PRDM16: variants seen among roughly 807,000 people sequenced by gnomAD.
The protein encoded by PRDM16 is PR/SET domain 16, also known as histone-lysine N-methyltransferase PRDM16.
A neutral mutation model predicts 110.6 loss-of-function variants in PRDM16; 23 were observed. The ratio of observed to expected loss-of-function variants is 0.21; its 90% confidence interval spans 0.15 to 0.29. The LOEUF (loss-of-function observed/expected upper bound fraction) is 0.29. Among genes scored for constraint, PRDM16 ranks in the 10% least tolerant of loss-of-function variants. PRDM16 has a pLI of 1.00. For missense variants in PRDM16, 1,615 were observed against 1,794.3 expected (o/e 0.90, Z 1.81); for synonymous variants, 799 against 781.8 (o/e 1.02, Z -0.37).
At chr1:3,192,286 G>T (rs1638331873) in intron 2 of PRDM16, among the ~76,000 whole-genome samples, 1 of 152,192 alleles carries the variant, frequency 6.6e-6, no homozygotes, top group Non-Finnish European at 1.5e-5. Context: ...CTGTCTTGGG[G>T]CATGCGGGTT....
Position 3,385,301 on chromosome 1 carries a change from A to G in PRDM16, c.573+15A>G. ...TCAGTGAGCAGGTAGGTCCGGGCTC[A>G]TAACAGGGGCTTCTGCCTCTTGGAA... On this transcript the variant is annotated intron_variant, in intron 4 of 16. Coordinates refer to ENST00000270722, the MANE Select transcript of PRDM16 (RefSeq NM_022114.4). 6.2e-7 allele frequency: 1 copy of G among 1,613,090 alleles called. No homozygotes were observed. Among genetic ancestry groups the G allele is most frequent in the Non-Finnish European group, 8.5e-7 (1 of 1,179,584 alleles).
In PRDM16 at chr1:3,411,869, CT is replaced by C; in HGVS notation, c.1673del (p.Leu558ArgfsTer34). The C allele has an allele frequency of 6.2e-7, 1 of 1,612,564 alleles. No individual in the cohort carries two copies. Among genetic ancestry groups the C allele is most frequent in the Non-Finnish European group, 8.5e-7 (1 of 1,179,160 alleles). On this transcript the variant is annotated frameshift_variant, in exon 9 of 17. Transcript: ENST00000270722. LOFTEE classifies it high-confidence loss of function. Reference protein sequence around the residue: ...PSPLGNPALPLVSAVSNSSQG... With the variant: ...PSPLGNPALPXVSAVSNSSQG... ...TCCCCTGGGGAACCCAGCCCTGCCC[CT>C]GGTCTCCGCCGTCAGCAACAGCAGC...
chr1:3,106,581 G>A (rs747878478), intron 1 of PRDM16, among the ~76,000 whole-genome samples: 1 of 152,320 alleles, frequency 6.6e-6, no homozygotes, highest in Admixed American at 6.5e-5. Context: ...GGGGCTTGGG[G>A]AGTTGTGGTG....
At chr1:3,260,520 G>C (rs537096857) in intron 3 of PRDM16, among the ~76,000 whole-genome samples, 9 of 151,864 alleles carry the variant, frequency 5.9e-5, no homozygotes, top group Non-Finnish European at 1.2e-4. Flanking sequence ...GGTGTGTAAA[G>C]CAAACTTAAA....
At chr1:3,380,256 C>G (rs1016938833) in intron 3 of PRDM16, among the ~76,000 whole-genome samples, 1 of 151,820 alleles carries the variant, frequency 6.6e-6, no homozygotes, top group African/African-American at 2.4e-5. Context: ...ACCTGGCCCC[C>G]CTCAGAGGTG....
At chr1:3,294,699 G>A (rs558786648) in intron 3 of PRDM16, among the ~76,000 whole-genome samples, 4 of 152,272 alleles carry the variant, frequency 2.6e-5, no homozygotes, top group East Asian at 1.9e-4. Context: ...GCTGCGTTTG[G>A]TTGAGCATTG....
chr1:3,146,927 T>C (rs1165645115), intron 1 of PRDM16, among the ~76,000 whole-genome samples: 7 of 85,850 alleles, frequency 8.2e-5, no homozygotes, highest in African/African-American at 1.9e-4. Context: ...GGGGTGTGTG[T>C]GCACGTGTGT....
At chr1:3,380,256 C>T (rs1016938833) in intron 3 of PRDM16, among the ~76,000 whole-genome samples, 1 of 151,820 alleles carries the variant, frequency 6.6e-6, no homozygotes, top group African/African-American at 2.4e-5. Context: ...ACCTGGCCCC[C>T]CTCAGAGGTG....
chr1:3,082,997 C>G (rs1289349047), intron 1 of PRDM16, among the ~76,000 whole-genome samples: 1 of 152,198 alleles, frequency 6.6e-6, no homozygotes. Flanking sequence ...GATCGAGCCC[C>G]CCTGCTGGGA....
intron 1 of PRDM16, among the ~76,000 whole-genome samples, chr1:3,166,448 C>T (rs934267182): frequency 6.6e-6 from 1 of 152,264 alleles, no homozygotes; most frequent in Admixed American, 6.5e-5. Flanking sequence ...GCGAGGCTCA[C>T]ACGTGCTGCC....
intron 3 of PRDM16, among the ~76,000 whole-genome samples, chr1:3,273,206 C>T (rs544029523): frequency 1.3e-5 from 2 of 152,274 alleles, no homozygotes; most frequent in South Asian, 2.1e-4. Flanking sequence ...TCTTAACCAT[C>T]CCCCAACGCT....
chr1:3,175,611 A>G lies in PRDM16; in HGVS notation c.38-10514A>G, dbSNP rs1445745850. On this transcript the variant is annotated intron_variant, in intron 1 of 16. Coordinates refer to ENST00000270722, the MANE Select transcript of PRDM16 (RefSeq NM_022114.4). The surrounding 1 kb of genome is among the most constrained non-coding windows in gnomAD (Gnocchi z 4.8). ...AGAGGAGCCAGAGGATGGGGCCCCA[A>G]CAAGCCTCAGGTGGAAGCTGCAGTC... Among the ~76,000 whole-genome samples, 3 of 152,196 alleles carry G rather than the reference A, an allele frequency of 2.0e-5. No homozygotes were observed. Among genetic ancestry groups the G allele is most frequent in the African/African-American group, 4.8e-5 (2 of 41,506 alleles).
intron 12 of PRDM16, among the ~76,000 whole-genome samples, chr1:3,421,599 G>C (rs1638432593): frequency 6.6e-6 from 1 of 152,204 alleles, no homozygotes; most frequent in South Asian, 2.1e-4. Flanking sequence ...TTAGAAGCAA[G>C]AGAGGGCCAC....
At chr1:3,357,986 G>T (rs1642641331) in intron 3 of PRDM16, among the ~76,000 whole-genome samples, 1 of 152,238 alleles carries the variant, frequency 6.6e-6, no homozygotes, top group African/African-American at 2.4e-5. Context: ...GCCCACTCGT[G>T]AGCCTTGCTG....
chr1:3,145,370 AGTGACCTCTGACACTCCAGGGCCAG>A (rs1169410697), intron 1 of PRDM16, among the ~76,000 whole-genome samples: 4 of 152,174 alleles, frequency 2.6e-5, no homozygotes, highest in Non-Finnish European at 5.9e-5. Context: ...CCCACTGGCC[AGTGACCTCTGACACTCCAGGGCCAG>A]GTGGCCACAC....
intron 1 of PRDM16, among the ~76,000 whole-genome samples, chr1:3,113,340 C>A (rs1642837845): frequency 1.3e-5 from 2 of 152,122 alleles, no homozygotes; most frequent in Non-Finnish European, 2.9e-5. Flanking sequence ...GGATTGTGAC[C>A]CTGGAACACA....
At chr1:3,240,707 C>T (rs967584635) in intron 2 of PRDM16, among the ~76,000 whole-genome samples, 1 of 152,236 alleles carries the variant, frequency 6.6e-6, no homozygotes, top group Non-Finnish European at 1.5e-5. Flanking sequence ...AAACAGCAAG[C>T]TGAGCCCCCC....
rs1640848801 is a variant in PRDM16 at position 3,286,579 on chromosome 1, G to A, written c.438+42442G>A. ...CAGGAGAGGAGAAAGAAGAAGACAT[G>A]GACCCCCAGAGAAAGCTGGATGCTC... On this transcript the variant is annotated intron_variant, in intron 3 of 16. Transcript: ENST00000270722. Among the ~76,000 whole-genome samples the A allele has an allele frequency of 2.0e-5, 3 of 152,250 alleles. No individual in the cohort carries two copies. The South Asian group carries it at 6.2e-4, about 32-fold the overall frequency.
rs2651908 is a variant in PRDM16 at position 3,233,891 on chromosome 1, T to A, written c.388-10196T>A. On this transcript the variant is annotated intron_variant, in intron 2 of 16. Coordinates refer to ENST00000270722, the MANE Select transcript of PRDM16 (RefSeq NM_022114.4). Reference sequence around the variant, plus strand: ...CCGCAATGAAGTGTTGGGGTTTTTTTAAAAAAAAAAAAAGGTGGGGGGAAA... The same window carrying A: ...CCGCAATGAAGTGTTGGGGTTTTTTAAAAAAAAAAAAAAGGTGGGGGGAAA... Among the ~76,000 whole-genome samples the A allele has an allele frequency of 9.9e-3, 1,423 of 144,246 alleles. 18 individuals are homozygous for A. Among genetic ancestry groups the A allele is most frequent in the African/African-American group, 0.026 (1,013 of 39,642 alleles). 94.6% of individuals were successfully genotyped at this position (144,246 alleles called of 152,430 possible).
Sources: gnomAD v4.1 joint callset for allele counts (sites outside exome capture counted in the v4.1 genomes callset) on GRCh38, gnomAD v4.1.1 for gene constraint, Gnocchi (gnomAD v3.1) non-coding constraint, MANE v1.5 for transcripts, NCBI Gene and HGNC (gene_info 2026-07-23, HGNC 2026-07-21) for gene names.